The following CCSER1 variants were observed in gnomAD, a reference collection of about 807,000 sequenced individuals.
CCSER1 encodes the protein coiled-coil serine rich protein 1.
Under a neutral mutation model 82.0 loss-of-function variants are expected in CCSER1, and 41 were observed. The ratio of observed to expected loss-of-function variants is 0.50; its 90% CI spans 0.39 to 0.65. The LOEUF is 0.65. CCSER1 is among the 30% of genes least tolerant of loss of function. The pLI is 0.00. For synonymous variants in CCSER1, 414 were observed against 383.9 expected, an observed-to-expected ratio of 1.08 and a Z score of -0.92; for missense variants, 1,119 against 1,064.2, an observed-to-expected ratio of 1.05 and a Z score of -0.72.
At chr4:90,138,695 T>G (rs962124877) in intron 1 of CCSER1, among the ~76,000 whole-genome samples, 1 of 152,040 alleles carries the variant, frequency 6.6e-6, no homozygotes, top group Non-Finnish European at 1.5e-5. Context: ...CTACTCCATG[T>G]TCACTTTTTT....
intron 9 of CCSER1, among the ~76,000 whole-genome samples, chr4:90,946,766 C>G (rs576558824): frequency 6.6e-6 from 1 of 152,224 alleles, no homozygotes; most frequent in South Asian, 2.1e-4. Context: ...GATTTTAACA[C>G]CCTTTACCAC....
At chr4:90,432,281 C>G (rs1210975546) in intron 4 of CCSER1, among the ~76,000 whole-genome samples, 1 of 151,812 alleles carries the variant, frequency 6.6e-6, no homozygotes, top group African/African-American at 2.4e-5. Context: ...ATTTGTTGTT[C>G]AAAAAAATGA....
At chr4:91,201,278 A>C (rs1247754333) in intron 10 of CCSER1, among the ~76,000 whole-genome samples, 1 of 152,096 alleles carries the variant, frequency 6.6e-6, no homozygotes, top group Non-Finnish European at 1.5e-5. Context: ...TCTTGATCAC[A>C]ACTGAGTGAG....
At chr4:90,955,227 G>A (rs1413456750) in intron 9 of CCSER1, among the ~76,000 whole-genome samples, 1 of 152,122 alleles carries the variant, frequency 6.6e-6, no homozygotes, top group Non-Finnish European at 1.5e-5. Context: ...AAGACACTCA[G>A]TAAACACCCT....
chr4:91,212,882 C>T (rs1736932144), intron 10 of CCSER1, among the ~76,000 whole-genome samples: 1 of 151,964 alleles, frequency 6.6e-6, no homozygotes, highest in African/African-American at 2.4e-5. Context: ...CAGCCCTTGC[C>T]CACCTCCTTC....
intron 10 of CCSER1, among the ~76,000 whole-genome samples, chr4:91,096,236 G>T (rs1365545971): frequency 6.6e-6 from 1 of 152,152 alleles, no homozygotes; most frequent in African/African-American, 2.4e-5. Context: ...AGTTTCTCCT[G>T]CAGCTTCTCT....
chr4:90,426,674 T>G (rs1393293648), intron 4 of CCSER1, among the ~76,000 whole-genome samples: 4 of 152,214 alleles, frequency 2.6e-5, no homozygotes, highest in Non-Finnish European at 4.4e-5. Flanking sequence ...AATACAGCTT[T>G]GTTTATAACT....
intron 6 of CCSER1, among the ~76,000 whole-genome samples, chr4:90,644,496 T>G (rs1000276082): frequency 6.6e-6 from 1 of 152,004 alleles, no homozygotes. Context: ...TTCCAGGATA[T>G]ATGTGCAGAA....
chr4:91,100,144 G>A (rs1273561020), intron 10 of CCSER1, among the ~76,000 whole-genome samples: 3 of 151,890 alleles, frequency 2.0e-5, no homozygotes, highest in African/African-American at 7.3e-5. Context: ...TTTATGATTT[G>A]TAGGGCATGA....
intron 5 of CCSER1, among the ~76,000 whole-genome samples, chr4:90,570,650 A>G (rs1488885000): frequency 1.3e-5 from 2 of 152,156 alleles, no homozygotes; most frequent in Admixed American, 6.5e-5. Flanking sequence ...AAATGGGTGC[A>G]GCACCAGCAG....
chr4:90,761,820 A>G (rs1750453401), intron 7 of CCSER1, among the ~76,000 whole-genome samples: 1 of 152,120 alleles, frequency 6.6e-6, no homozygotes. Context: ...AGCAGATTTG[A>G]GATGAAGTGA....
intron 3 of CCSER1, among the ~76,000 whole-genome samples, chr4:90,352,601 G>A (rs1743671932): frequency 6.6e-6 from 1 of 151,958 alleles, no homozygotes; most frequent in Non-Finnish European, 1.5e-5. Context: ...GGCAAAGGGT[G>A]CAGTGAGCCG....
At chr4:91,096,176 AG>A (rs1724493515) in intron 10 of CCSER1, among the ~76,000 whole-genome samples, 1 of 152,162 alleles carries the variant, frequency 6.6e-6, no homozygotes, top group African/African-American at 2.4e-5. Context: ...CTGCTTTCTC[AG>A]GGGCATTTGG....
chr4:90,875,575 T>C (rs1402572657), intron 8 of CCSER1, among the ~76,000 whole-genome samples: 1 of 152,176 alleles, frequency 6.6e-6, no homozygotes, highest in Non-Finnish European at 1.5e-5. Context: ...ATATGTGACA[T>C]TTTATAGGCA....
intron 8 of CCSER1, among the ~76,000 whole-genome samples, chr4:90,841,679 G>T (rs988903227): frequency 3.3e-5 from 5 of 151,844 alleles, no homozygotes; most frequent in Non-Finnish European, 5.9e-5. Flanking sequence ...TGTTTATTAG[G>T]GCAGTTTTCT....
At chr4:91,058,116 T>G (rs1022509586) in intron 9 of CCSER1, among the ~76,000 whole-genome samples, 2 of 152,022 alleles carry the variant, frequency 1.3e-5, no homozygotes, top group Non-Finnish European at 2.9e-5. Context: ...ATCACCCAGG[T>G]GTTAAGCCTA....
At chr4:91,329,575 G>C (rs1049946951) in intron 10 of CCSER1, among the ~76,000 whole-genome samples, 6 of 152,150 alleles carry the variant, frequency 3.9e-5, no homozygotes, top group African/African-American at 1.2e-4. Flanking sequence ...AGATCAAGGT[G>C]CTAGCAGATC....
At chr4:90,879,567 AGAG>A (rs1424630577) in intron 8 of CCSER1, among the ~76,000 whole-genome samples, 2 of 90,372 alleles carry the variant, frequency 2.2e-5, no homozygotes, top group African/African-American at 7.8e-5. Context: ...AAGAAGAAGA[AGAG>A]GAAGAAGAAG....
At chr4:90,562,190 C>CAA (rs35279708) in intron 5 of CCSER1, among the ~76,000 whole-genome samples, 1,885 of 56,892 alleles carry the variant, frequency 0.033, 72 homozygotes, top group African/African-American at 0.084. Context: ...AACTCCATCT[C>CAA]AAAAAAAAAA....
Sources: gnomAD v4.1 joint callset for allele counts (sites outside exome capture counted in the v4.1 genomes callset) on GRCh38, gnomAD v4.1.1 for gene constraint, MANE v1.5 for transcripts, NCBI Gene and HGNC (gene_info 2026-07-23, HGNC 2026-07-21) for gene names.